CFAP20DC: variants seen among roughly 807,000 people sequenced by gnomAD.
The protein encoded by CFAP20DC is CFAP20 domain containing, also known as protein CFAP20DC.
A neutral mutation model predicts 101.7 loss-of-function variants in CFAP20DC; 84 were observed. The ratio of observed to expected loss-of-function variants is 0.83; its 90% CI spans 0.69 to 0.99. The LOEUF (loss-of-function observed/expected upper bound fraction) is 0.99, where lower values mean the gene tolerates loss of function less well. CFAP20DC is among the 50% of genes least tolerant of loss of function. The probability of loss-of-function intolerance (pLI) is 0.00; values close to 1 mark genes in which losing one functional copy is unlikely to be tolerated. For missense variants in CFAP20DC, 1,007 were observed against 970.3 expected (o/e 1.04, Z -0.50); for synonymous variants, 359 against 351.2 (o/e 1.02, Z -0.25).
chr3:58,857,705 G>A (rs2078946873), intron 12 of CFAP20DC, among the ~76,000 whole-genome samples: 1 of 152,152 alleles, frequency 6.6e-6, no homozygotes, highest in Non-Finnish European at 1.5e-5. Context: ...AAGGCAAGAT[G>A]ACATAGGAGA....
chr3:58,845,378 C>G (rs986745602), intron 13 of CFAP20DC, among the ~76,000 whole-genome samples: 1 of 152,082 alleles, frequency 6.6e-6, no homozygotes, highest in African/African-American at 2.4e-5. Flanking sequence ...GGGAATACTA[C>G]AAACAACTCT....
intron 15 of CFAP20DC, among the ~76,000 whole-genome samples, chr3:58,783,638 C>T (rs756258234): frequency 1.2e-4 from 18 of 151,964 alleles, no homozygotes; most frequent in Non-Finnish European, 2.4e-4. Context: ...GCAAAAACCA[C>T]GAATACATAT....
At chr3:58,975,997 C>G (rs2092256847) in intron 4 of CFAP20DC, among the ~76,000 whole-genome samples, 5 of 152,120 alleles carry the variant, frequency 3.3e-5, no homozygotes, top group Admixed American at 2.6e-4. Flanking sequence ...AAGAGGAGCA[C>G]CAGGTAATGC....
chr3:58,919,978 T>A lies in CFAP20DC; in HGVS notation c.394-6114A>T, dbSNP rs567683880. On this transcript the variant is annotated intron_variant, in intron 5 of 16. Coordinates refer to ENST00000482387, the MANE Select transcript of CFAP20DC (RefSeq NM_001394063.1). ...AAGTTTTACATTTTCCTTTCCAATC[T>A]GTCTATTTTTAATTTTTTAATTCTC... 1.8e-4 allele frequency among the ~76,000 whole-genome samples: 27 copies of A among 152,230 alleles called. No homozygotes were observed. In the East Asian group the frequency reaches 4.2e-3, roughly 24 times the overall value.
chr3:58,980,691 T>C (rs1223587234), intron 4 of CFAP20DC, among the ~76,000 whole-genome samples: 1 of 152,166 alleles, frequency 6.6e-6, no homozygotes, highest in Admixed American at 6.5e-5. Context: ...AATTAGGTAT[T>C]GATGGGATGT....
chr3:59,047,695 C>T (rs1477113889), intron 1 of CFAP20DC, among the ~76,000 whole-genome samples: 1 of 152,182 alleles, frequency 6.6e-6, no homozygotes, highest in African/African-American at 2.4e-5. Flanking sequence ...CTGACTGAGG[C>T]TCCAACACTG....
At chr3:59,046,379 A>T in intron 2 of CFAP20DC, 57 bp from the exon 3 acceptor site, 1 of 1,120,282 alleles carries the variant, frequency 8.9e-7, no homozygotes, top group South Asian at 1.5e-5. Flanking sequence ...GGCTTCTACT[A>T]TAAAATTGAA....
chr3:58,943,397 T>C (rs1399883943), intron 4 of CFAP20DC, among the ~76,000 whole-genome samples: 1 of 152,132 alleles, frequency 6.6e-6, no homozygotes, highest in Non-Finnish European at 1.5e-5. Context: ...TCTTTGCCGT[T>C]CTGCAGCCTC....
At chr3:58,846,785 C>A (rs1411937872) in intron 13 of CFAP20DC, among the ~76,000 whole-genome samples, 1 of 146,076 alleles carries the variant, frequency 6.8e-6, no homozygotes, top group Non-Finnish European at 1.5e-5. Context: ...CTACAGTAAC[C>A]AAAACAGCAT....
chr3:58,976,881 C>T (rs1376385515), intron 4 of CFAP20DC, among the ~76,000 whole-genome samples: 1 of 152,160 alleles, frequency 6.6e-6, no homozygotes, highest in Non-Finnish European at 1.5e-5. Context: ...GGGTTCCTGC[C>T]TTGTGCCCTG....
At position 59,015,082 on chromosome 3, in the gene CFAP20DC, A is replaced by C. The variant is rs2093661789; in HGVS notation, c.278+24475T>G. Among the ~76,000 whole-genome samples the C allele has an allele frequency of 1.3e-5, 2 of 152,076 alleles. No homozygotes were observed. Among genetic ancestry groups the C allele is most frequent in the South Asian group, 4.1e-4 (2 of 4,824 alleles). ...GGATGTGGATGGAGTAGTGACAATG[A>C]AGGGACTAAGGGCTGAAGAGCCTAA... is the stretch of plus-strand genomic sequence containing the variant. On this transcript the variant is annotated intron_variant, in intron 4 of 16. Coordinates refer to ENST00000482387, the MANE Select transcript of CFAP20DC (RefSeq NM_001394063.1). The surrounding 1 kb of genome is among the most constrained non-coding windows in gnomAD (Gnocchi z 5.4).
intron 4 of CFAP20DC, among the ~76,000 whole-genome samples, chr3:58,960,738 T>C (rs1018537074): frequency 6.6e-6 from 1 of 152,182 alleles, no homozygotes; most frequent in African/African-American, 2.4e-5. Context: ...CTTTCCTTTT[T>C]CCTTTGCAAT....
intron 4 of CFAP20DC, among the ~76,000 whole-genome samples, chr3:59,004,034 G>C (rs904922210): frequency 6.6e-6 from 1 of 152,118 alleles, no homozygotes; most frequent in Non-Finnish European, 1.5e-5. Flanking sequence ...ATAGTTACAG[G>C]ACAGGGCTTT....
At chr3:58,791,056 A>G (rs138382698) in intron 15 of CFAP20DC, among the ~76,000 whole-genome samples, 252 of 152,288 alleles carry the variant, frequency 1.7e-3, no homozygotes, top group African/African-American at 5.6e-3. Context: ...GAGTTGCCCA[A>G]TAATGGAATG....
At chr3:58,813,790 T>A (rs2074875855) in intron 14 of CFAP20DC, among the ~76,000 whole-genome samples, 1 of 151,934 alleles carries the variant, frequency 6.6e-6, no homozygotes, top group Admixed American at 6.6e-5. Context: ...ACTCAGATAC[T>A]TTGGTAATTG....
chr3:58,977,974 GC>G (rs971203799), intron 4 of CFAP20DC, among the ~76,000 whole-genome samples: 15 of 152,162 alleles, frequency 9.9e-5, no homozygotes, highest in Non-Finnish European at 1.9e-4. Flanking sequence ...GGAAAGCCCA[GC>G]CCCTTCCTCT....
intron 4 of CFAP20DC, among the ~76,000 whole-genome samples, chr3:58,969,120 T>C (rs2091785332): frequency 6.6e-6 from 1 of 152,218 alleles, no homozygotes. Flanking sequence ...CCCTGTAGTA[T>C]AGTTGATGTC....
At chr3:59,042,191 G>C (rs1218299728) in intron 3 of CFAP20DC, among the ~76,000 whole-genome samples, 8 of 151,934 alleles carry the variant, frequency 5.3e-5, no homozygotes, top group African/African-American at 1.9e-4. Context: ...GCTGGCAGAG[G>C]GAGTACTCCA....
At chr3:58,757,039 T>C (rs1420107113) in intron 15 of CFAP20DC, among the ~76,000 whole-genome samples, 1 of 152,096 alleles carries the variant, frequency 6.6e-6, no homozygotes, top group Admixed American at 6.6e-5. Flanking sequence ...TATGTTTATT[T>C]TTGTATACTT....
Sources: gnomAD v4.1 joint callset for allele counts (sites outside exome capture counted in the v4.1 genomes callset) on GRCh38, gnomAD v4.1.1 for gene constraint, Gnocchi (gnomAD v3.1) non-coding constraint, MANE v1.5 for transcripts, NCBI Gene and HGNC (gene_info 2026-07-23, HGNC 2026-07-21) for gene names.